The following PPARG variants were observed in gnomAD, a reference collection of about 807,000 sequenced individuals.
The protein encoded by PPARG is peroxisome proliferator-activated receptor gamma.
PPARG carries 17 observed loss-of-function variants against 39.2 expected under a neutral mutation model. That is an observed-to-expected ratio of 0.43 (90% CI 0.30 to 0.65). The LOEUF (loss-of-function observed/expected upper bound fraction) is 0.65. Among genes scored for constraint, PPARG ranks in the 30% least tolerant of loss-of-function variants. PPARG has a pLI of 0.13. For synonymous variants in PPARG, 223 were observed against 215.7 expected, an observed-to-expected ratio of 1.03 and a Z score of -0.30; for missense variants, 406 against 585.9, an observed-to-expected ratio of 0.69 and a Z score of 3.17.
intron 1 of PPARG, among the ~76,000 whole-genome samples, chr3:12,298,254 C>A (rs1474956898): frequency 7.3e-6 from 1 of 137,838 alleles, no homozygotes; most frequent in Non-Finnish European, 1.5e-5. Context: ...AGCCGAGATC[C>A]CGCCACTGCA....
At chr3:12,326,668 A>G (rs1036193823) in intron 2 of PPARG, among the ~76,000 whole-genome samples, 1 of 152,134 alleles carries the variant, frequency 6.6e-6, no homozygotes. Context: ...TCAAGTTCAT[A>G]GATTATCCTT....
At chr3:12,415,329 T>C in intron 6 of PPARG, among the ~76,000 whole-genome samples, 1 of 152,204 alleles carries the variant, frequency 6.6e-6, no homozygotes, top group Non-Finnish European at 1.5e-5. Context: ...TGACTTTTCT[T>C]AAGTCACATG....
At chr3:12,373,924 G>A (rs1308134484) in intron 2 of PPARG, among the ~76,000 whole-genome samples, 1 of 152,152 alleles carries the variant, frequency 6.6e-6, no homozygotes, top group Non-Finnish European at 1.5e-5. Context: ...GAAGAGGTGA[G>A]GAGTAGGAAG....
At chr3:12,354,434 G>T (rs2125100767) in intron 2 of PPARG, among the ~76,000 whole-genome samples, 1 of 151,520 alleles carries the variant, frequency 6.6e-6, no homozygotes, top group African/African-American at 2.4e-5. Flanking sequence ...CTTGTGGCTA[G>T]AATAGAAGGC....
At chr3:12,396,219 T>G (rs770163131) in intron 5 of PPARG, among the ~76,000 whole-genome samples, 5 of 152,042 alleles carry the variant, frequency 3.3e-5, no homozygotes, top group Admixed American at 6.6e-5. Context: ...CCTCCCAGGT[T>G]CAAGCAATTC....
intron 2 of PPARG, among the ~76,000 whole-genome samples, chr3:12,374,905 G>A (rs1170589297): frequency 6.6e-6 from 1 of 152,116 alleles, no homozygotes. Context: ...ACAGAAAACA[G>A]CATCCTTTTA....
intron 5 of PPARG, among the ~76,000 whole-genome samples, chr3:12,399,027 A>G (rs933693869): frequency 1.4e-4 from 21 of 152,224 alleles, no homozygotes; most frequent in African/African-American, 5.1e-4. Flanking sequence ...ACAGAGAGGC[A>G]CACTAGAGAA....
At position 12,366,293 on chromosome 3, in the gene PPARG, C is replaced by A. The variant is rs965733720; in HGVS notation, c.-8-13411C>A. 4.6e-4 allele frequency among the ~76,000 whole-genome samples: 69 copies of A among 151,552 alleles called. 1 individual carries two copies. Among genetic ancestry groups the A allele is most frequent in the African/African-American group, 1.5e-3 (63 of 41,336 alleles). On this transcript the variant is annotated intron_variant, in intron 2 of 7. Coordinates refer to ENST00000651735, the MANE Select transcript of PPARG (RefSeq NM_138711.6). ...TGACTTTTGTATATTAACCTTGTAT[C>A]CTGCAACCTTGCTATAATCACTTAC...
intron 2 of PPARG, among the ~76,000 whole-genome samples, chr3:12,357,236 T>C (rs1270920245): frequency 6.6e-6 from 1 of 152,010 alleles, no homozygotes; most frequent in Non-Finnish European, 1.5e-5. Flanking sequence ...AAAGTCCAAG[T>C]CTGGCCCCTA....
intron 7 of PPARG, among the ~76,000 whole-genome samples, chr3:12,431,887 C>T (rs2051673846): frequency 6.6e-6 from 1 of 151,976 alleles, no homozygotes. Context: ...CTGCAGTGAG[C>T]CATGATCATG....
At chr3:12,351,938 C>T (rs1179516737) in intron 2 of PPARG, among the ~76,000 whole-genome samples, 6 of 152,176 alleles carry the variant, frequency 3.9e-5, no homozygotes, top group Admixed American at 3.3e-4. Flanking sequence ...ATAGTTATAT[C>T]CAAAAACAAT....
chr3:12,313,922 G>C, intron 2 of PPARG, among the ~76,000 whole-genome samples: 1 of 152,170 alleles, frequency 6.6e-6, no homozygotes, highest in East Asian at 1.9e-4. Context: ...GAGGGAAATA[G>C]AAAATTGTTG....
intron 4 of PPARG, among the ~76,000 whole-genome samples, chr3:12,390,176 T>C (rs2050017937): frequency 6.6e-6 from 1 of 152,222 alleles, no homozygotes; most frequent in Non-Finnish European, 1.5e-5. Context: ...TTAAGAAGTC[T>C]GACAGCACCA....
chr3:12,290,413 G>A (rs2046619472), intron 1 of PPARG, among the ~76,000 whole-genome samples: 1 of 151,854 alleles, frequency 6.6e-6, no homozygotes, highest in Admixed American at 6.5e-5. Context: ...TTGAACTTAA[G>A]TGCTTTGAAA....
At chr3:12,432,639 C>A (rs1398244608) in intron 7 of PPARG, among the ~76,000 whole-genome samples, 1 of 152,082 alleles carries the variant, frequency 6.6e-6, no homozygotes, top group Non-Finnish European at 1.5e-5. Context: ...TTAGCCAACA[C>A]ACTATGGCAA....
At chr3:12,353,493 G>A (rs2048556147) in intron 2 of PPARG, among the ~76,000 whole-genome samples, 1 of 152,168 alleles carries the variant, frequency 6.6e-6, no homozygotes, top group Non-Finnish European at 1.5e-5. Flanking sequence ...TGAACACTGT[G>A]GAGTTGAGGT....
At chr3:12,345,755 G>A (rs2048308005) in intron 2 of PPARG, among the ~76,000 whole-genome samples, 1 of 152,178 alleles carries the variant, frequency 6.6e-6, no homozygotes, top group African/African-American at 2.4e-5. Flanking sequence ...ACTGGTAAGT[G>A]ACACCAGCTG....
intron 4 of PPARG, among the ~76,000 whole-genome samples, chr3:12,390,004 T>C (rs1271730038): frequency 2.0e-5 from 3 of 152,166 alleles, no homozygotes; most frequent in East Asian, 3.8e-4. Flanking sequence ...AGAGAAGATA[T>C]TTGAACATCT....
chr3:12,434,186 G>T lies in PPARG; in HGVS notation c.*41G>T, dbSNP rs112838770. The T allele has an allele frequency of 4.3e-6, 7 of 1,613,542 alleles. No individual in the cohort carries two copies. Among genetic ancestry groups the T allele is most frequent in the African/African-American group, 4.0e-5 (3 of 75,018 alleles). Reference sequence around the variant, plus strand: ...CACTGCCAACATTTCCCTTCTTCCAGTTGCACTATTCTGAGGGAAAATCTG... The same window carrying T: ...CACTGCCAACATTTCCCTTCTTCCATTTGCACTATTCTGAGGGAAAATCTG... On this transcript the variant is annotated 3_prime_UTR_variant, in exon 8 of 8. Coordinates refer to ENST00000651735, the MANE Select transcript of PPARG (RefSeq NM_138711.6). The surrounding 1 kb of genome is among the most constrained non-coding windows in gnomAD (Gnocchi z 4.2).
Sources: allele counts gnomAD v4.1 joint callset (sites outside exome capture counted in the v4.1 genomes callset), GRCh38; gene constraint gnomAD v4.1.1; non-coding constraint Gnocchi (gnomAD v3.1); transcripts MANE v1.5; gene names NCBI Gene and HGNC (gene_info 2026-07-23, HGNC 2026-07-21).